The following ANK1 variants were observed in gnomAD, a reference collection of about 807,000 sequenced individuals.
ANK1 encodes the protein ankyrin 1.
ANK1 carries 51 observed loss-of-function variants against 210.4 expected under a neutral mutation model. The ratio of observed to expected loss-of-function variants is 0.24; its 90% CI spans 0.19 to 0.31. The LOEUF (loss-of-function observed/expected upper bound fraction) is 0.31. Among genes scored for constraint, ANK1 ranks in the 10% least tolerant of loss-of-function variants. ANK1 has a pLI of 1.00. For synonymous variants in ANK1, 967 were observed against 1,025.9 expected, an observed-to-expected ratio of 0.94 and a Z score of 1.10; for missense variants, 2,051 against 2,504.4, an observed-to-expected ratio of 0.82 and a Z score of 3.86.
At chr8:41,657,656 G>A (rs552958719) in intron 42 of ANK1, among the ~76,000 whole-genome samples, 142 of 152,208 alleles carry the variant, frequency 9.3e-4, no homozygotes, top group African/African-American at 3.3e-3. Context: ...CTACTTTACC[G>A]CCCAGGCACT....
chr8:41,812,902 C>T lies in ANK1; in HGVS notation c.127-54765G>A, dbSNP rs76429883. ...AGGAGGCGGAGCTCAGGCAGCAATG[C>T]TTCCTGGCTCATTGCTCACTTCCTG... On this transcript the variant is annotated intron_variant, in intron 1 of 42. Transcript: ENST00000265709. 8.5e-3 allele frequency among the ~76,000 whole-genome samples: 1,301 copies of T among 152,304 alleles called. 22 individuals carry two copies. The highest frequency in any genetic ancestry group is 0.03 in the African/African-American group (1,249 of 41,550).
rs148114680 is a variant in ANK1 at position 41,790,410 on chromosome 8, G to A, written c.27+7102C>T. Among the ~76,000 whole-genome samples, 18 of 152,236 alleles carry A rather than the reference G, an allele frequency of 1.2e-4. No individual in the cohort carries two copies. In the East Asian group the frequency reaches 3.1e-3, roughly 26 times the overall value. On this transcript the variant is annotated intron_variant, in intron 1 of 42. Coordinates refer to ENST00000289734, the MANE Select transcript of ANK1 (RefSeq NM_000037.4). ...GATCCGCTCAGCTCAGCCTCCCAAA[G>A]TGCTGGGATTACAGGCATCAGCCAC...
chr8:41,681,045 G>T (rs1424240652), intron 37 of ANK1, among the ~76,000 whole-genome samples: 1 of 152,220 alleles, frequency 6.6e-6, no homozygotes, highest in Non-Finnish European at 1.5e-5. Context: ...AGTGGTCCCT[G>T]CTCATTCCAG....
intron 1 of ANK1, among the ~76,000 whole-genome samples, chr8:41,827,317 T>A (rs1320296552): frequency 6.6e-6 from 1 of 152,224 alleles, no homozygotes; most frequent in East Asian, 1.9e-4. Flanking sequence ...CCTTTCCCCT[T>A]GCTGGTGTGA....
At chr8:41,686,567 C>T (rs898660993) in intron 35 of ANK1, among the ~76,000 whole-genome samples, 8 of 152,200 alleles carry the variant, frequency 5.3e-5, no homozygotes, top group Non-Finnish European at 1.0e-4. Context: ...TTCTTCCTTT[C>T]GTAACTTCCA....
chr8:41,894,769 G>C (rs1348008516), intron 1 of ANK1, among the ~76,000 whole-genome samples: 1 of 151,904 alleles, frequency 6.6e-6, no homozygotes, highest in East Asian at 1.9e-4. Context: ...GGTGAGCATC[G>C]CAGCGTAGAG....
intron 1 of ANK1, among the ~76,000 whole-genome samples, chr8:41,890,945 C>A (rs1819324168): frequency 6.6e-6 from 1 of 152,064 alleles, no homozygotes; most frequent in South Asian, 2.1e-4. Context: ...TGGTTATGTA[C>A]AAAGGCTCAA....
rs1405319966 is a variant in ANK1 at position 41,695,265 on chromosome 8, C to T, written c.3027G>A (p.Leu1009=). The change falls in exon 27 of 43, where the codon CTG becomes CTA. Residue 1009 remains leucine, a synonymous_variant. Transcript: ENST00000289734. ...HGRGDRELVV[L]RSENGSVWKE... ...TCCACACGGAGCCGTTTTCGCTCCT[C>T]AGAACCACGAGCTCGCGGTCTCCAC... 6.2e-7 allele frequency: 1 copy of T among 1,614,008 alleles called. No individual in the cohort carries two copies. The highest frequency in any genetic ancestry group is 1.3e-5 in the African/African-American group (1 of 74,924).
At position 41,797,430 on chromosome 8, in the gene ANK1, C is replaced by T; in HGVS notation, c.27+82G>A. On this transcript the variant is annotated intron_variant, in intron 1 of 42. Coordinates refer to ENST00000289734, the MANE Select transcript of ANK1 (RefSeq NM_000037.4). The surrounding 1 kb of genome is among the most constrained non-coding windows in gnomAD (Gnocchi z 4.0). ...GGTGGGGTGTGCAAAGCTGCTCTTG[C>T]TCGCGTGCTGCCTACTGGCGCGGCC... 1 of 1,331,118 alleles carries T rather than the reference C, an allele frequency of 7.5e-7. No homozygotes were observed. Among genetic ancestry groups the T allele is most frequent in the Non-Finnish European group, 1.1e-6 (1 of 945,012 alleles). 82.5% of individuals were successfully genotyped at this position (1,331,118 alleles called of 1,614,324 possible).
At chr8:41,847,622 T>A (rs1463306966) in intron 1 of ANK1, among the ~76,000 whole-genome samples, 2 of 152,192 alleles carry the variant, frequency 1.3e-5, no homozygotes, top group African/African-American at 4.8e-5. Context: ...ATTTTACACA[T>A]GCAGAGATTC....
At chr8:41,864,850 A>G (rs1219061294) in intron 1 of ANK1, among the ~76,000 whole-genome samples, 1 of 152,064 alleles carries the variant, frequency 6.6e-6, no homozygotes. Context: ...GAAGCCAAAC[A>G]CCTGGATGTT....
chr8:41,875,147 G>C (rs1261612797), intron 1 of ANK1, among the ~76,000 whole-genome samples: 3 of 152,160 alleles, frequency 2.0e-5, no homozygotes, highest in Non-Finnish European at 4.4e-5. Context: ...TTCTCTTCCT[G>C]AACTCCAAGC....
intron 1 of ANK1, chr8:41,896,213 C>T: frequency 8.0e-7 from 1 of 1,249,300 alleles, no homozygotes; most frequent in Non-Finnish European, 1.0e-6. Context: ...TCTACGCCCA[C>T]CGAGCCTTCC....
Position 41,797,601 on chromosome 8 carries a change from T to G in ANK1, c.-63A>C. 1 of 1,606,838 alleles carries G rather than the reference T, an allele frequency of 6.2e-7. No individual in the cohort carries two copies. The highest frequency in any genetic ancestry group is 1.3e-5 in the African/African-American group (1 of 74,820). ...GGGCTTGAGGAGGAGCAGCTGGGGC[T>G]GGCGGACTCACCGCAGCCTCTGCGG... On this transcript the variant is annotated 5_prime_UTR_variant, in exon 1 of 43. Coordinates refer to ENST00000289734, the MANE Select transcript of ANK1 (RefSeq NM_000037.4). This position sits in a 1 kb window ranked among gnomAD's most constrained non-coding sequence, Gnocchi z 4.0.
At chr8:41,791,278 T>A (rs369688830) in intron 1 of ANK1, among the ~76,000 whole-genome samples, 2 of 144,596 alleles carry the variant, frequency 1.4e-5, no homozygotes, top group East Asian at 4.1e-4. Flanking sequence ...TTCAAGTGAT[T>A]CTCCTGCCTC....
chr8:41,721,600 T>C (rs1235616545), intron 9 of ANK1, among the ~76,000 whole-genome samples: 1 of 142,068 alleles, frequency 7.0e-6, no homozygotes, highest in Non-Finnish European at 1.5e-5. Context: ...GAGGTTGCAG[T>C]GAGTAGAGAT....
At chr8:41,784,647 G>T (rs1045832541) in intron 1 of ANK1, among the ~76,000 whole-genome samples, 2 of 152,152 alleles carry the variant, frequency 1.3e-5, no homozygotes, top group South Asian at 4.1e-4. Context: ...TTCCACAAAC[G>T]TTTTTATCTA....
rs1587154603 is a variant in ANK1 at position 41,814,429 on chromosome 8, T to C, written c.127-56292A>G. On this transcript the variant is annotated intron_variant, in intron 1 of 42. Coordinates refer to the ANK1 transcript ENST00000265709. ...TGTAATTAGTTCTTATTCTGCTTCATGTTATTAGCAGTTTCATGAATCCAT... is the reference window on the plus strand; with the variant it reads ...TGTAATTAGTTCTTATTCTGCTTCACGTTATTAGCAGTTTCATGAATCCAT... Among the ~76,000 whole-genome samples the C allele has an allele frequency of 2.0e-5, 3 of 152,114 alleles. 1 individual carries two copies. Among genetic ancestry groups the C allele is most frequent in the East Asian group, 1.9e-4 (1 of 5,198 alleles).
chr8:41,692,888 G>T lies in ANK1; in HGVS notation c.3630-12C>A. The T allele has an allele frequency of 1.9e-6, 3 of 1,611,768 alleles. No individual in the cohort carries two copies. Among genetic ancestry groups the T allele is most frequent in the Non-Finnish European group, 1.7e-6 (2 of 1,178,174 alleles). ...CCGACAGCCAAAACCTAAAAAGTAG[G>T]GCGAGTTATGTGTTCCCAAGTGCCC... is the stretch of plus-strand genomic sequence containing the variant. On this transcript the variant is annotated splice_polypyrimidine_tract_variant and intron_variant, in intron 30 of 42. Transcript: ENST00000289734.
Sources: allele counts gnomAD v4.1 joint callset (sites outside exome capture counted in the v4.1 genomes callset), GRCh38; gene constraint gnomAD v4.1.1; non-coding constraint Gnocchi (gnomAD v3.1); transcripts MANE v1.5; gene names NCBI Gene and HGNC (gene_info 2026-07-23, HGNC 2026-07-21).